Variants in TMEM63A observed in about 807,000 individuals in gnomAD.
TMEM63A encodes mechanosensitive cation channel TMEM63A.
In TMEM63A, 76 loss-of-function variants were observed where a neutral mutation model predicts 100.6. The observed-to-expected ratio is 0.76, with a 90% CI of 0.63 to 0.91. The LOEUF is 0.91. Among genes scored for constraint, TMEM63A ranks in the 40% least tolerant of loss-of-function variants. The pLI, the probability that TMEM63A is intolerant of heterozygous loss-of-function variation, is 0.00. For missense variants in TMEM63A, 876 were observed against 1,008.8 expected, an observed-to-expected ratio of 0.87 and a Z score of 1.78; for synonymous variants, 401 against 401.1, an observed-to-expected ratio of 1.00 and a Z score of 0.00.
At position 225,853,545 on chromosome 1, in the gene TMEM63A, T is replaced by C; in HGVS notation, c.1797+84A>G. The C allele has an allele frequency of 1.5e-6, 2 of 1,310,006 alleles. No homozygotes were observed. The highest frequency in any genetic ancestry group is 3.3e-5 in the South Asian group (2 of 61,412). 81.1% of individuals were successfully genotyped at this position (1,310,006 alleles called of 1,614,324 possible). ...GGTAAATGCTACCCACTAGTGGGGG[T>C]AGTGGGGGTGAGAGGCCCTCGGGTC... On this transcript the variant is annotated intron_variant, in intron 19 of 24. Transcript: ENST00000366835. The surrounding 1 kb of genome is among the most constrained non-coding windows in gnomAD (Gnocchi z 4.0).
chr1:225,874,368 C>T lies in TMEM63A; in HGVS notation c.187-1G>A, dbSNP rs1670670669. ...TAATAGAAAACACCAAGATTAAGAA[C>T]TAAAAACAGAAAAGAAACCAAGTAA... On this transcript the variant is annotated splice_acceptor_variant, in intron 3 of 24. Transcript: ENST00000366835. LOFTEE classifies it high-confidence loss of function. 6.2e-7 allele frequency: 1 copy of T among 1,612,156 alleles called. No individual in the cohort carries two copies. The highest frequency in any genetic ancestry group is 2.2e-5 in the East Asian group (1 of 44,858).
At chr1:225,858,481 C>T (rs542845925) in intron 15 of TMEM63A, among the ~76,000 whole-genome samples, 40 of 152,126 alleles carry the variant, frequency 2.6e-4, no homozygotes, top group African/African-American at 8.2e-4. Context: ...CCCACCAACA[C>T]GCCCAGCTAA....
chr1:225,846,679 C>A lies in TMEM63A; in HGVS notation c.*260G>T. On this transcript the variant is annotated 3_prime_UTR_variant, in exon 25 of 25. Coordinates refer to ENST00000366835, the MANE Select transcript of TMEM63A (RefSeq NM_014698.3). Reference sequence around the variant, plus strand: ...CTCCCGGACTCATCAGTTTGGGGGGCGAAAAGTCCACCACATGGTCTTGGC... The same window carrying A: ...CTCCCGGACTCATCAGTTTGGGGGGAGAAAAGTCCACCACATGGTCTTGGC... The A allele has an allele frequency of 4.9e-6, 1 of 205,594 alleles. No homozygotes were observed. Among genetic ancestry groups the A allele is most frequent in the Non-Finnish European group, 9.7e-6 (1 of 103,012 alleles). 12.7% of individuals were successfully genotyped at this position (205,594 alleles called of 1,614,324 possible). A position where few individuals can be genotyped will look rare whatever the true frequency, so the allele number is the denominator to read the frequency against.
rs1668916432 is a variant in TMEM63A at position 225,845,648 on chromosome 1, G to A, written c.*1291C>T. On this transcript the variant is annotated 3_prime_UTR_variant, in exon 25 of 25. Transcript: ENST00000366835. ...CAGAGCTGGCCGGCCCCTCCTTGCT[G>A]GCAGAGGCACGGGAGGCCTGCTGGG... 4 of 489,726 alleles carry A rather than the reference G, an allele frequency of 8.2e-6. No homozygotes were observed. The highest frequency in any genetic ancestry group is 1.5e-5 in the Non-Finnish European group (4 of 267,838). 30.3% of individuals were successfully genotyped at this position (489,726 alleles called of 1,614,324 possible). A position where few individuals can be genotyped will look rare whatever the true frequency, so the allele number is the denominator to read the frequency against.
chr1:225,862,906 A>G lies in TMEM63A; in HGVS notation c.747-55T>C, dbSNP rs191210905. The G allele has an allele frequency of 2.6e-6, 4 of 1,532,580 alleles. No individual in the cohort carries two copies. The Admixed American group carries it at 5.4e-5, about 21-fold the overall frequency. 94.9% of individuals were successfully genotyped at this position (1,532,580 alleles called of 1,614,324 possible). A position where few individuals can be genotyped will look rare whatever the true frequency, so the allele number is the denominator to read the frequency against. ...ACACCGTTGGAAAAGAAAACACCCC[A>G]AGCAGGAGACGTGCCCACGGATCCA... On this transcript the variant is annotated intron_variant, in intron 10 of 24. Transcript: ENST00000366835. The surrounding 1 kb of genome is among the most constrained non-coding windows in gnomAD (Gnocchi z 5.1).
chr1:225,862,988 CTTCTCT>C lies in TMEM63A; in HGVS notation c.747-143_747-138del. ...GGTTTCTGTGCCAGCGGAGACCTCT[CTTCTCT>C]TTGTCTTTTATCCTCCAAAAGGGGG... is the stretch of plus-strand genomic sequence containing the variant. On this transcript the variant is annotated intron_variant, in intron 10 of 24. Coordinates refer to ENST00000366835, the MANE Select transcript of TMEM63A (RefSeq NM_014698.3). This position sits in a 1 kb window ranked among gnomAD's most constrained non-coding sequence, Gnocchi z 5.1. The C allele has an allele frequency of 1.3e-6, 1 of 759,456 alleles. No homozygotes were observed. The highest frequency in any genetic ancestry group is 2.2e-6 in the Non-Finnish European group (1 of 449,454). The allele number at this position is 759,456 out of a possible 1,614,324, so 47.0% of individuals were successfully genotyped here.
chr1:225,855,916 G>C lies in TMEM63A; in HGVS notation c.1596C>G (p.Leu532=). The C allele has an allele frequency of 1.2e-6, 2 of 1,614,078 alleles. No homozygotes were observed. The highest frequency in any genetic ancestry group is 2.2e-5 in the South Asian group (2 of 91,050). ...LTSLDFFFRW[L]FDKTSSEASI... is the part of the protein sequence containing the mutation. ...AGGCCTCCGAGGAAGTTTTGTCAAA[G>C]AGCCACCGGAAGAAAAAATCTAGAC... is the stretch of plus-strand genomic sequence containing the variant. Residue 532 remains leucine (L), a synonymous_variant, in exon 18 of 25, where the codon CTC becomes CTG. Transcript: ENST00000366835.
rs982469146 is a variant in TMEM63A, at chr1:225,865,645, T to C, written c.746+252A>G. ...TTATTCGCACCTACACCCTGGTCTGTGCTCTGGACACTGTGCACAGGCTGC... is the reference window on the plus strand; with the variant it reads ...TTATTCGCACCTACACCCTGGTCTGCGCTCTGGACACTGTGCACAGGCTGC... On this transcript the variant is annotated intron_variant, in intron 10 of 24. Transcript: ENST00000366835. The surrounding 1 kb of genome is among the most constrained non-coding windows in gnomAD (Gnocchi z 4.6). 1.0e-5 allele frequency: 5 copies of C among 488,658 alleles called. No homozygotes were observed. The highest frequency in any genetic ancestry group is 5.5e-4 in the Middle Eastern group (1 of 1,810). 30.3% of individuals were successfully genotyped at this position (488,658 alleles called of 1,614,324 possible).
intron 15 of TMEM63A, among the ~76,000 whole-genome samples, chr1:225,858,948 A>ATGTGTGTGTGTG (rs57543496): frequency 8.9e-4 from 124 of 139,750 alleles, no homozygotes; most frequent in African/African-American, 3.2e-3. Flanking sequence ...TATACATATA[A>ATGTGTGTGTGTG]TGTGTGTGTG....
chr1:225,844,370 A>C (rs1039530253), downstream of TMEM63A: 3 of 1,407,266 alleles, frequency 2.1e-6, no homozygotes, highest in Non-Finnish European at 3.0e-6. Context: ...GATACCACAC[A>C]CGTTGCATGA....
chr1:225,857,389 G>GTA (rs1559039371), intron 15 of TMEM63A, among the ~76,000 whole-genome samples: 1 of 133,732 alleles, frequency 7.5e-6, no homozygotes, highest in Admixed American at 7.4e-5. Context: ...CGGGGCGGGG[G>GTA]GGGGGGGGTG....
intron 23 of TMEM63A, 62 bp downstream of exon 23, chr1:225,848,430 G>T: frequency 6.4e-7 from 1 of 1,570,460 alleles, no homozygotes; most frequent in Non-Finnish European, 8.7e-7. Context: ...ATCTGGTTGG[G>T]ACTGTTACAA....
rs767754944 is a variant in TMEM63A at position 225,852,782 on chromosome 1, G to A, written c.1798-13C>T. On this transcript the variant is annotated splice_polypyrimidine_tract_variant and intron_variant, in intron 19 of 24. Coordinates refer to ENST00000366835, the MANE Select transcript of TMEM63A (RefSeq NM_014698.3). The stretch of plus-strand genomic sequence containing the variant: ...GGAAGGCCTGGTTCTGGGAGGAGGA[G>A]GTGGTGAGGAGCTCATGGACTTGTT... 6.2e-7 allele frequency: 1 copy of A among 1,612,034 alleles called. No individual in the cohort carries two copies. The highest frequency in any genetic ancestry group is 8.5e-7 in the Non-Finnish European group (1 of 1,178,320).
intron 9 of TMEM63A, 36 bp downstream of exon 9, chr1:225,866,538 C>T (rs1295101828): frequency 6.3e-7 from 1 of 1,597,174 alleles, no homozygotes; most frequent in African/African-American, 1.3e-5. Flanking sequence ...ACCTGAGTCC[C>T]TCCCAGCACA....
At chr1:225,881,883 AG>A (rs3835535) in intron 1 of TMEM63A, among the ~76,000 whole-genome samples, 15,301 of 150,752 alleles carry the variant, frequency 0.1, 1,220 homozygotes, top group East Asian at 0.24. Context: ...GAACAGCCCG[AG>A]GGGTGGCCTC....
chr1:225,869,463 TC>T (rs552961274), intron 6 of TMEM63A, among the ~76,000 whole-genome samples: 131 of 152,266 alleles, frequency 8.6e-4, no homozygotes, highest in African/African-American at 3.0e-3. Flanking sequence ...TGGGAACAAC[TC>T]CTACCAAACC....
In TMEM63A at chr1:225,857,072, CTGAGGCCA is replaced by C. The variant is rs1307769379; in HGVS notation, c.1378-63_1378-56del. 22 of 1,445,280 alleles carry C rather than the reference CTGAGGCCA, an allele frequency of 1.5e-5. No homozygotes were observed. In the African/African-American group the frequency reaches 2.7e-4, roughly 18 times the overall value. 89.5% of individuals were successfully genotyped at this position (1,445,280 alleles called of 1,614,324 possible). ...CACAGGGGCCGTGGGCCACGCGGCTCTGAGGCCATGACCTATTGGTATGGTCGCTCAGT... is the reference window on the plus strand; with the variant it reads ...CACAGGGGCCGTGGGCCACGCGGCTCTGACCTATTGGTATGGTCGCTCAGT... On this transcript the variant is annotated intron_variant, in intron 15 of 24. Transcript: ENST00000366835.
chr1:225,868,373 T>A (rs1239659302), intron 6 of TMEM63A, among the ~76,000 whole-genome samples: 4 of 151,936 alleles, frequency 2.6e-5, no homozygotes, highest in African/African-American at 7.3e-5. Flanking sequence ...TTCTAAGAAA[T>A]CACATTCAGA....
At chr1:225,858,568 G>A (rs1012349558) in intron 15 of TMEM63A, among the ~76,000 whole-genome samples, 1 of 151,960 alleles carries the variant, frequency 6.6e-6, no homozygotes, top group Non-Finnish European at 1.5e-5. Context: ...CAGGTGATCC[G>A]CCCACCTTGG....
Sources: allele counts gnomAD v4.1 joint callset (sites outside exome capture counted in the v4.1 genomes callset), GRCh38; gene constraint gnomAD v4.1.1; non-coding constraint Gnocchi (gnomAD v3.1); transcripts MANE v1.5; gene names NCBI Gene and HGNC (gene_info 2026-07-23, HGNC 2026-07-21).